SMAP2: variants seen among roughly 807,000 people sequenced by gnomAD.
SMAP2 encodes the protein small ArfGAP2.
In SMAP2, 25 loss-of-function variants were observed where a neutral mutation model predicts 56.4. The observed-to-expected ratio is 0.44, with a 90% confidence interval of 0.32 to 0.62. The LOEUF is 0.62. SMAP2 is among the 20% of genes least tolerant of loss of function. The probability of loss-of-function intolerance (pLI) is 0.04; values close to 1 mark genes in which losing one functional copy is unlikely to be tolerated. For missense variants in SMAP2, 388 were observed against 545.6 expected, an observed-to-expected ratio of 0.71 and a Z score of 2.88; for synonymous variants, 157 against 181.7, an observed-to-expected ratio of 0.86 and a Z score of 1.09.
In SMAP2 at chr1:40,345,098, G is replaced by A. The variant is rs528088890; in HGVS notation, c.-83+188G>A. On this transcript the variant is annotated intron_variant, in intron 1 of 6. Transcript: ENST00000435168. ...CATTTATTTGCTTTTATTTTTTGTT[G>A]TCATTTGTAAAAGGCAAAATAAGGG... Among the ~76,000 whole-genome samples, 39 of 151,344 alleles carry A rather than the reference G, an allele frequency of 2.6e-4. 1 individual carries two copies. The Middle Eastern group carries it at 0.024, about 92-fold the overall frequency.
rs377102222 is a variant in SMAP2, at chr1:40,353,488, C to T, written c.-83+8578C>T. Among the ~76,000 whole-genome samples the T allele has an allele frequency of 7.9e-5, 12 of 152,242 alleles. No homozygotes were observed. The East Asian group carries it at 1.4e-3, about 17-fold the overall frequency. On this transcript the variant is annotated intron_variant, in intron 1 of 6. Coordinates refer to the SMAP2 transcript ENST00000435168. Reference sequence around the variant, plus strand: ...GGTTCAAGTGATTCTCCTGCCTCAGCCTCCTGAGTAGCTGGGACTACAGGC... The same window carrying T: ...GGTTCAAGTGATTCTCCTGCCTCAGTCTCCTGAGTAGCTGGGACTACAGGC...
intron 9 of SMAP2, among the ~76,000 whole-genome samples, chr1:40,420,160 A>G (rs11208057): frequency 0.21 from 31,744 of 152,018 alleles, 3,555 homozygotes; most frequent in Middle Eastern, 0.32. Context: ...ATTTCGATTT[A>G]TTGGTGCTAC....
intron 1 of SMAP2, among the ~76,000 whole-genome samples, chr1:40,381,189 A>G (rs1277310560): frequency 1.3e-5 from 2 of 152,228 alleles, no homozygotes; most frequent in African/African-American, 4.8e-5. Flanking sequence ...CACTACATAT[A>G]GTCATTCAGA....
intron 1 of SMAP2, among the ~76,000 whole-genome samples, chr1:40,361,107 G>C (rs1263237969): frequency 6.6e-6 from 1 of 152,212 alleles, no homozygotes; most frequent in African/African-American, 2.4e-5. Flanking sequence ...CCACAAGAGA[G>C]GAGAGAGAAA....
chr1:40,391,157 T>C (rs1025809118), intron 1 of SMAP2, among the ~76,000 whole-genome samples: 4 of 152,166 alleles, frequency 2.6e-5, no homozygotes, highest in Non-Finnish European at 5.9e-5. Flanking sequence ...CATTGCCCCT[T>C]GAGGGGAAAT....
chr1:40,388,688 T>G (rs1390429348), intron 1 of SMAP2, among the ~76,000 whole-genome samples: 1 of 152,148 alleles, frequency 6.6e-6, no homozygotes, highest in Non-Finnish European at 1.5e-5. Flanking sequence ...CAGGATGTGA[T>G]TGGATGGGGC....
In SMAP2 at chr1:40,378,986, T is replaced by C. The variant is rs188637078; in HGVS notation, c.103+4763T>C. Among the ~76,000 whole-genome samples, 179 of 151,444 alleles carry C rather than the reference T, an allele frequency of 1.2e-3. 2 individuals are homozygous for C. Among genetic ancestry groups the C allele is most frequent in the African/African-American group, 4.1e-3 (169 of 41,426 alleles). On this transcript the variant is annotated intron_variant, in intron 1 of 9. Transcript: ENST00000372718. The stretch of plus-strand genomic sequence containing the variant: ...AATTTCTTTTCTTTTCTTTTCTTTT[T>C]TTTTTTTTTTGAGACAGAGTTTCGC...
intron 2 of SMAP2, among the ~76,000 whole-genome samples, chr1:40,367,857 C>G (rs1644484004): frequency 1.8e-5 from 2 of 109,340 alleles, no homozygotes; most frequent in Non-Finnish European, 3.6e-5. Flanking sequence ...AAAATCAGAG[C>G]AGAACTGAAG....
At position 40,412,792 on chromosome 1, in the gene SMAP2, G is replaced by A. The variant is rs557293110; in HGVS notation, c.403-224G>A. The stretch of plus-strand genomic sequence containing the variant: ...ACAGTCATGAGTGGGTTAGGAGGGC[G>A]GGCGCCTAAGGTGTTTGGAAGACGC... On this transcript the variant is annotated intron_variant, in intron 4 of 9. Coordinates refer to ENST00000372718, the MANE Select transcript of SMAP2 (RefSeq NM_022733.3). 3.9e-5 allele frequency among the ~76,000 whole-genome samples: 6 copies of A among 152,108 alleles called. No individual in the cohort carries two copies. The South Asian group carries it at 6.2e-4, about 16-fold the overall frequency.
chr1:40,377,357 G>C (rs755893209), intron 1 of SMAP2, among the ~76,000 whole-genome samples: 3 of 152,198 alleles, frequency 2.0e-5, no homozygotes, highest in Non-Finnish European at 2.9e-5. Flanking sequence ...TTTTTACTTC[G>C]TACAAGTTTT....
At chr1:40,421,656 C>T (rs1018054791) in intron 9 of SMAP2, among the ~76,000 whole-genome samples, 3 of 152,154 alleles carry the variant, frequency 2.0e-5, no homozygotes, top group African/African-American at 4.8e-5. Flanking sequence ...CAATAGGCCC[C>T]TTCTATTTAG....
At chr1:40,348,342 C>T (rs2124152712) in intron 1 of SMAP2, among the ~76,000 whole-genome samples, 1 of 152,230 alleles carries the variant, frequency 6.6e-6, no homozygotes, top group Non-Finnish European at 1.5e-5. Context: ...TACAAGGTTA[C>T]CTGCTTTCTA....
chr1:40,347,254 T>TG (rs769611247), intron 1 of SMAP2, among the ~76,000 whole-genome samples: 9,775 of 147,322 alleles, frequency 0.066, 380 homozygotes, highest in East Asian at 0.11. Context: ...TGTTTTTGTT[T>TG]TTTTTTTTTT....
intron 2 of SMAP2, among the ~76,000 whole-genome samples, chr1:40,367,842 T>A: frequency 7.9e-6 from 1 of 126,768 alleles, no homozygotes; most frequent in African/African-American, 3.1e-5. Context: ...AGGCAAGAAA[T>A]AACTAAAATC....
chr1:40,372,515 GA>G (rs904417148), upstream of SMAP2, among the ~76,000 whole-genome samples: 28 of 152,242 alleles, frequency 1.8e-4, no homozygotes, highest in African/African-American at 6.7e-4. Flanking sequence ...GTTTTCTGAG[GA>G]AAAACACCCC....
chr1:40,406,910 A>G, intron 2 of SMAP2, 41 bp downstream of exon 2: 6 of 1,537,762 alleles, frequency 3.9e-6, no homozygotes, highest in Non-Finnish European at 5.3e-6. Context: ...CCATATATCT[A>G]TGTAAAAGGA....
At chr1:40,375,831 C>G (rs965116038) in intron 1 of SMAP2, 1 of 805,734 alleles carries the variant, frequency 1.2e-6, no homozygotes, top group African/African-American at 1.9e-5. Context: ...CTAGAACCCC[C>G]CCCCCCATTT....
chr1:40,390,323 T>G (rs1383777060), intron 1 of SMAP2, among the ~76,000 whole-genome samples: 1 of 152,254 alleles, frequency 6.6e-6, no homozygotes, highest in Non-Finnish European at 1.5e-5. Flanking sequence ...TGGTTGGGAC[T>G]TCTCCAATGT....
chr1:40,355,721 C>G (rs1644432479), intron 1 of SMAP2, among the ~76,000 whole-genome samples: 1 of 152,088 alleles, frequency 6.6e-6, no homozygotes, highest in Non-Finnish European at 1.5e-5. Flanking sequence ...CTCCCAGGCT[C>G]AAGCAATCCT....
Sources: allele counts gnomAD v4.1 joint callset (sites outside exome capture counted in the v4.1 genomes callset), GRCh38; gene constraint gnomAD v4.1.1; transcripts MANE v1.5; gene names NCBI Gene and HGNC (gene_info 2026-07-23, HGNC 2026-07-21).